Variants in FAM135B observed in about 807,000 individuals in gnomAD.
The protein encoded by FAM135B is family with sequence similarity 135 member B, also known as protein FAM135B.
A neutral mutation model predicts 127.7 loss-of-function variants in FAM135B; 43 were observed. That is an observed-to-expected ratio of 0.34 (90% CI 0.26 to 0.43). The LOEUF (loss-of-function observed/expected upper bound fraction) is 0.43, where lower values mean the gene tolerates loss of function less well. Among genes scored for constraint, FAM135B ranks in the 20% least tolerant of loss-of-function variants. The pLI is 1.00. For synonymous variants in FAM135B, 670 were observed against 665.1 expected (o/e 1.01, Z -0.11); for missense variants, 1,558 against 1,725.6 (o/e 0.90, Z 1.72).
intron 7 of FAM135B, among the ~76,000 whole-genome samples, chr8:138,224,132 C>T (rs1819231745): frequency 6.6e-6 from 1 of 152,122 alleles, no homozygotes; most frequent in Non-Finnish European, 1.5e-5. Flanking sequence ...CAGTATCATG[C>T]AATATACCCA....
intron 1 of FAM135B, chr8:138,438,982 T>C (rs958564245): frequency 1.3e-5 from 2 of 152,178 alleles, no homozygotes; most frequent in African/African-American, 4.8e-5. Context: ...TGGCTTCTGT[T>C]CCATAACTGG....
intron 19 of FAM135B, among the ~76,000 whole-genome samples, chr8:138,136,697 T>C (rs1816695031): frequency 6.6e-6 from 1 of 152,240 alleles, no homozygotes; most frequent in African/African-American, 2.4e-5. Flanking sequence ...ACCTAACTCA[T>C]TGTCATCTCC....
intron 1 of FAM135B, among the ~76,000 whole-genome samples, chr8:138,460,237 A>C (rs2131614422): frequency 6.6e-6 from 1 of 152,286 alleles, no homozygotes; most frequent in African/African-American, 2.4e-5. Context: ...TAAGGGACAT[A>C]ATTTGCTTAG....
intron 1 of FAM135B, among the ~76,000 whole-genome samples, chr8:138,462,027 G>T (rs1022854673): frequency 1.3e-5 from 2 of 151,894 alleles, no homozygotes; most frequent in South Asian, 2.1e-4. Flanking sequence ...TCCAAGGTTG[G>T]CTTGATAGAT....
chr8:138,311,544 T>A (rs141599930), intron 2 of FAM135B, among the ~76,000 whole-genome samples: 144 of 152,360 alleles, frequency 9.5e-4, no homozygotes, highest in Non-Finnish European at 1.7e-3. Flanking sequence ...TGAAGTTCTG[T>A]GCTTTGCAAT....
chr8:138,330,238 T>A (rs1439243777), intron 2 of FAM135B, among the ~76,000 whole-genome samples: 1 of 152,092 alleles, frequency 6.6e-6, no homozygotes, highest in Admixed American at 6.6e-5. Flanking sequence ...GTGTCGTGAG[T>A]TCAAAGTTGT....
intron 1 of FAM135B, among the ~76,000 whole-genome samples, chr8:138,381,295 C>A (rs748152593): frequency 1.4e-4 from 22 of 152,142 alleles, no homozygotes; most frequent in Non-Finnish European, 2.6e-4. Context: ...TTTTATTATA[C>A]CTTTGTTCAA....
chr8:138,366,084 A>G (rs1245544261), intron 2 of FAM135B, among the ~76,000 whole-genome samples: 2 of 152,198 alleles, frequency 1.3e-5, no homozygotes, highest in African/African-American at 4.8e-5. Flanking sequence ...ATAAAATAAT[A>G]TAAAATAATA....
chr8:138,252,514 T>C (rs182495335), intron 5 of FAM135B, among the ~76,000 whole-genome samples: 1 of 152,204 alleles, frequency 6.6e-6, no homozygotes, highest in East Asian at 1.9e-4. Context: ...TTAACAAGAA[T>C]TTAAGCCACA....
intron 1 of FAM135B, among the ~76,000 whole-genome samples, chr8:138,482,864 T>C (rs1259055766): frequency 1.3e-5 from 2 of 152,126 alleles, no homozygotes; most frequent in African/African-American, 2.4e-5. Context: ...TACTCTGAGA[T>C]ACCCACATTT....
At chr8:138,437,549 A>G (rs536074413) in intron 1 of FAM135B, 5 of 152,288 alleles carry the variant, frequency 3.3e-5, no homozygotes, top group African/African-American at 1.2e-4. Context: ...CTCCCCAGCC[A>G]TGCTGAACTG....
intron 7 of FAM135B, among the ~76,000 whole-genome samples, chr8:138,226,526 C>T (rs774894149): frequency 6.6e-6 from 1 of 152,114 alleles, no homozygotes; most frequent in Admixed American, 6.5e-5. Flanking sequence ...CCTGTGGTTG[C>T]ACAGAGCCTG....
intron 1 of FAM135B, chr8:138,438,526 A>AAACAGAC (rs1285970417): frequency 6.6e-6 from 1 of 152,228 alleles, no homozygotes; most frequent in Non-Finnish European, 1.5e-5. Flanking sequence ...AAAGTGGTAG[A>AAACAGAC]AACAGACTCT....
intron 7 of FAM135B, among the ~76,000 whole-genome samples, chr8:138,236,600 G>A (rs1820296035): frequency 6.6e-6 from 1 of 152,148 alleles, no homozygotes; most frequent in Admixed American, 6.5e-5. Flanking sequence ...TGTGGCAGCA[G>A]TGACATACTT....
At chr8:138,403,902 A>T (rs1356333773) in intron 1 of FAM135B, among the ~76,000 whole-genome samples, 1 of 152,188 alleles carries the variant, frequency 6.6e-6, no homozygotes, top group African/African-American at 2.4e-5. Context: ...TACTGGAGGG[A>T]GCCATCAGCA....
At chr8:138,155,445 A>G (rs1818635493) in intron 12 of FAM135B, among the ~76,000 whole-genome samples, 2 of 152,178 alleles carry the variant, frequency 1.3e-5, no homozygotes, top group Admixed American at 1.3e-4. Flanking sequence ...ACACATAAGA[A>G]TATTAAACTT....
At chr8:138,300,945 T>TGAAACCCCGCCTG (rs1242587462) in intron 3 of FAM135B, among the ~76,000 whole-genome samples, 3 of 151,948 alleles carry the variant, frequency 2.0e-5, no homozygotes, top group African/African-American at 4.8e-5. Context: ...AAGGGCGGGG[T>TGAAACCCCGCCTG]TTCACCATGT....
chr8:138,252,772 T>C (rs1240838645), intron 5 of FAM135B, among the ~76,000 whole-genome samples: 1 of 152,068 alleles, frequency 6.6e-6, no homozygotes, highest in Non-Finnish European at 1.5e-5. Flanking sequence ...GTATTTAACC[T>C]GGAGATGATA....
intron 5 of FAM135B, among the ~76,000 whole-genome samples, chr8:138,254,240 G>T (rs1821909421): frequency 6.6e-6 from 1 of 152,112 alleles, no homozygotes; most frequent in African/African-American, 2.4e-5. Flanking sequence ...TATAGTTGTT[G>T]AGTTTTACAC....
Sources: gnomAD v4.1 joint callset for allele counts (sites outside exome capture counted in the v4.1 genomes callset) on GRCh38, gnomAD v4.1.1 for gene constraint, MANE v1.5 for transcripts, NCBI Gene and HGNC (gene_info 2026-07-23, HGNC 2026-07-21) for gene names.